The following KIF24 variants were observed in gnomAD, a reference collection of about 807,000 sequenced individuals.
KIF24 encodes the protein kinesin-like protein KIF24.
Under a neutral mutation model 118.9 loss-of-function variants are expected in KIF24, and 81 were observed. The observed-to-expected ratio is 0.68, with a 90% CI of 0.57 to 0.82. KIF24 has a LOEUF of 0.82. KIF24 is among the 40% of genes least tolerant of loss of function. The pLI, the probability that KIF24 is intolerant of heterozygous loss-of-function variation, is 0.00. For synonymous variants in KIF24, 599 were observed against 610.0 expected (o/e 0.98, Z 0.27); for missense variants, 1,560 against 1,661.6 (o/e 0.94, Z 1.06).
chr9:34,322,526 G>A (rs897947447), intron 1 of KIF24, among the ~76,000 whole-genome samples: 1 of 151,808 alleles, frequency 6.6e-6, no homozygotes, highest in Non-Finnish European at 1.5e-5. Flanking sequence ...TAAAGAAGTT[G>A]CTAACAAAGT....
Position 34,255,767 on chromosome 9 carries a change from C to T in KIF24, c.3840G>A (p.Gly1280=). 1 of 1,613,546 alleles carries T rather than the reference C, an allele frequency of 6.2e-7. No individual in the cohort carries two copies. Among genetic ancestry groups the T allele is most frequent in the Non-Finnish European group, 8.5e-7 (1 of 1,179,634 alleles). Residue 1280 remains glycine, a synonymous_variant, in exon 11 of 13, where the codon GGG becomes GGA. Coordinates refer to ENST00000402558, the MANE Select transcript of KIF24 (RefSeq NM_194313.4). Reference sequence around the variant, plus strand: ...GCTCCAGGGTGGGCTGACGGAGTGTCCCTGCAGTCTTGGGAGAGCAGCTGG... The same window carrying T: ...GCTCCAGGGTGGGCTGACGGAGTGTTCCTGCAGTCTTGGGAGAGCAGCTGG... ...LVPSCSPKTA[G]TLRQPTLEQA... is the part of the protein sequence containing the mutation.
In KIF24 at chr9:34,256,200, C is replaced by A; in HGVS notation, c.3407G>T (p.Arg1136Leu). Residue 1136 changes from arginine to leucine, a missense_variant, in exon 11 of 13, where the codon CGT becomes CTT. Physicochemically the swap from Arg to Leu is moderately radical, Grantham distance 102. This residue lies in a region of KIF24 where 591 missense variants were observed against 655.6 expected (regional missense o/e 0.90). Coordinates refer to ENST00000402558, the MANE Select transcript of KIF24 (RefSeq NM_194313.4). ...GGGCAGCTTGTCAGCTGGGTGCTGA[C>A]GGATGGGTGATGGGGACAGAGCTGG... ...DLPALSPSPI[R>L]QHPADKLPSR... 6.2e-7 allele frequency: 1 copy of A among 1,602,042 alleles called. No homozygotes were observed. Among genetic ancestry groups the A allele is most frequent in the Non-Finnish European group, 8.5e-7 (1 of 1,172,606 alleles).
chr9:34,280,399 GTCT>G (rs758984282), intron 6 of KIF24, among the ~76,000 whole-genome samples: 24 of 151,384 alleles, frequency 1.6e-4, no homozygotes, highest in Admixed American at 3.3e-4. Flanking sequence ...GCAATGAAGA[GTCT>G]TCTTCTGAGT....
chr9:34,252,468 G>GCTAA lies in KIF24; in HGVS notation c.*1908_*1911dup, dbSNP rs10565742. The GCTAA allele has an allele frequency of 2.6e-5, 4 of 151,620 alleles. No individual in the cohort carries two copies. The highest frequency in any genetic ancestry group is 6.6e-5 in the Admixed American group (1 of 15,208). The allele number at this position is 151,620 out of a possible 1,614,324, so 9.4% of individuals were successfully genotyped here. ...TACAGTCTTGAATCTAAAATAATTTGCTAACTAACTATTTTGATTCTTCAG... is the reference window on the plus strand; with the variant it reads ...TACAGTCTTGAATCTAAAATAATTTGCTAACTAACTAACTATTTTGATTCTTCAG... On this transcript the variant is annotated 3_prime_UTR_variant, in exon 13 of 13. Transcript: ENST00000402558.
At chr9:34,323,891 A>G (rs1312661658) in intron 1 of KIF24, among the ~76,000 whole-genome samples, 1 of 152,210 alleles carries the variant, frequency 6.6e-6, no homozygotes, top group Non-Finnish European at 1.5e-5. Flanking sequence ...TTTTACAAAT[A>G]AAGAAACTGA....
chr9:34,321,603 CTT>C (rs1213493493), intron 1 of KIF24, among the ~76,000 whole-genome samples: 34 of 99,220 alleles, frequency 3.4e-4, no homozygotes, highest in Non-Finnish European at 4.1e-4. Context: ...CATACTTCTT[CTT>C]TTTTTTTTTT....
At chr9:34,298,470 C>T (rs1258180013) in intron 3 of KIF24, among the ~76,000 whole-genome samples, 2 of 151,320 alleles carry the variant, frequency 1.3e-5, no homozygotes, top group Admixed American at 1.3e-4. Context: ...CGCTGGAACC[C>T]GGGAGGCAGA....
intron 1 of KIF24, among the ~76,000 whole-genome samples, chr9:34,314,649 T>G (rs1837278547): frequency 6.6e-6 from 1 of 152,216 alleles, no homozygotes; most frequent in South Asian, 2.1e-4. Context: ...CAAATGCAAA[T>G]GCACTGATCC....
rs901186250 is a variant in KIF24, at chr9:34,254,247, G to T, written c.*133C>A. 32 of 1,013,252 alleles carry T rather than the reference G, an allele frequency of 3.2e-5. No homozygotes were observed. The highest frequency in any genetic ancestry group is 4.2e-5 in the Non-Finnish European group (31 of 731,254). The allele number at this position is 1,013,252 out of a possible 1,614,324, so 62.8% of individuals were successfully genotyped here. A position where few individuals can be genotyped will look rare whatever the true frequency, so the allele number is the denominator to read the frequency against. ...CTATCTGAAGCCACGTGGGGCTGGG[G>T]TGACGCTAGCATAGGCAGGACCAGC... is the stretch of plus-strand genomic sequence containing the variant. On this transcript the variant is annotated 3_prime_UTR_variant, in exon 13 of 13. Coordinates refer to ENST00000402558, the MANE Select transcript of KIF24 (RefSeq NM_194313.4).
intron 7 of KIF24, among the ~76,000 whole-genome samples, chr9:34,270,791 C>T (rs1331366916): frequency 2.0e-5 from 3 of 147,288 alleles, no homozygotes; most frequent in African/African-American, 7.5e-5. Context: ...TTTTTTGAGA[C>T]GGAGTCTCGC....
chr9:34,294,810 A>T (rs963668664), intron 4 of KIF24, among the ~76,000 whole-genome samples: 7 of 152,166 alleles, frequency 4.6e-5, no homozygotes, highest in African/African-American at 1.7e-4. Context: ...ATCTATACTG[A>T]CAGAAAGTAA....
At position 34,329,145 on chromosome 9, in the gene KIF24, G is replaced by C. The variant is rs1273055139; in HGVS notation, c.-65C>G. ...CTCGGTCTGCCCTGTCTGAGAAGAG[G>C]AGAAGACAATGCCGTCGGGAGTGAG... On this transcript the variant is annotated 5_prime_UTR_variant, in exon 1 of 13. Transcript: ENST00000402558. Among the ~76,000 whole-genome samples the C allele has an allele frequency of 6.6e-6, 1 of 152,212 alleles. No homozygotes were observed. Among genetic ancestry groups the C allele is most frequent in the South Asian group, 2.1e-4 (1 of 4,832 alleles).
intron 3 of KIF24, among the ~76,000 whole-genome samples, chr9:34,303,116 T>C (rs925173725): frequency 5.3e-5 from 8 of 151,624 alleles, no homozygotes; most frequent in Non-Finnish European, 1.2e-4. Flanking sequence ...GCTTTCACCA[T>C]GTTACCCAGG....
At position 34,290,169 on chromosome 9, in the gene KIF24, A is replaced by C. The variant is rs776518800; in HGVS notation, c.1127+5T>G. On this transcript the variant is annotated splice_donor_5th_base_variant and intron_variant, in intron 5 of 12. Transcript: ENST00000402558. The stretch of plus-strand genomic sequence containing the variant: ...GATTTATCGCTTCCCACTCATATTC[A>C]GTACCTTTTTCTTCTATTTAGGAGG... The C allele has an allele frequency of 6.3e-7, 1 of 1,598,176 alleles. No homozygotes were observed. Among genetic ancestry groups the C allele is most frequent in the Non-Finnish European group, 8.6e-7 (1 of 1,166,032 alleles).
At chr9:34,271,963 A>C in intron 6 of KIF24, 33 bp from the exon 7 acceptor site, 1 of 1,553,812 alleles carries the variant, frequency 6.4e-7, no homozygotes, top group African/African-American at 1.4e-5. Context: ...GACTTCCCCA[A>C]GGAGTAAACA....
chr9:34,254,190 CAG>C lies in KIF24; in HGVS notation c.*188_*189del, dbSNP rs1834723463. ...CACTCCTGTGCATGGAACTGAGGGA[CAG>C]GGGCCTGTCCCTGAGGGAGAAGCTG... On this transcript the variant is annotated 3_prime_UTR_variant, in exon 13 of 13. Transcript: ENST00000402558. 2 of 519,664 alleles carry C rather than the reference CAG, an allele frequency of 3.8e-6. No individual in the cohort carries two copies. The highest frequency in any genetic ancestry group is 7.3e-5 in the Admixed American group (2 of 27,580). 32.2% of individuals were successfully genotyped at this position (519,664 alleles called of 1,614,324 possible).
intron 3 of KIF24, among the ~76,000 whole-genome samples, chr9:34,303,097 C>G (rs1177896987): frequency 6.6e-6 from 1 of 150,884 alleles, no homozygotes; most frequent in East Asian, 1.9e-4. Context: ...TTAATTTTTA[C>G]AGAGACAGGC....
chr9:34,295,324 C>T (rs1836425558), intron 4 of KIF24, among the ~76,000 whole-genome samples: 1 of 152,060 alleles, frequency 6.6e-6, no homozygotes, highest in African/African-American at 2.4e-5. Flanking sequence ...CCTCCCACCT[C>T]AGCCTCCCAA....
chr9:34,292,492 T>A (rs1196864872), intron 4 of KIF24, among the ~76,000 whole-genome samples: 1 of 152,188 alleles, frequency 6.6e-6, no homozygotes, highest in Non-Finnish European at 1.5e-5. Context: ...CTTTGGCAAA[T>A]AAATCTACAA....
Sources: allele counts gnomAD v4.1 joint callset (sites outside exome capture counted in the v4.1 genomes callset), GRCh38; gene constraint gnomAD v4.1.1; regional missense constraint gnomAD v4.1.1; transcripts MANE v1.5; gene names NCBI Gene and HGNC (gene_info 2026-07-23, HGNC 2026-07-21).